The following ZC3H4 variants were observed in gnomAD, a reference collection of about 807,000 sequenced individuals.
ZC3H4 encodes zinc finger CCCH-type containing 4.
A neutral mutation model predicts 108.3 loss-of-function variants in ZC3H4; 13 were observed. The ratio of observed to expected loss-of-function variants is 0.12; its 90% CI spans 0.08 to 0.19. The LOEUF is 0.19. ZC3H4 is among the 10% of genes least tolerant of loss of function. ZC3H4 has a pLI of 1.00. For missense variants in ZC3H4, 1,734 were observed against 1,838.8 expected, an observed-to-expected ratio of 0.94 and a Z score of 1.04; for synonymous variants, 917 against 749.6, an observed-to-expected ratio of 1.22 and a Z score of -3.65.
At position 47,067,187 on chromosome 19, in the gene ZC3H4, C is replaced by A. The variant is rs371787728; in HGVS notation, c.3081G>T (p.Pro1027=). 1 of 1,610,196 alleles carries A rather than the reference C, an allele frequency of 6.2e-7. No homozygotes were observed. The highest frequency in any genetic ancestry group is 1.3e-5 in the African/African-American group (1 of 74,796). The change falls in exon 15 of 15, where the codon CCG becomes CCT. Residue 1027 remains proline (P), a synonymous_variant. Coordinates refer to ENST00000253048, the MANE Select transcript of ZC3H4 (RefSeq NM_015168.2). The surrounding 1 kb of genome is among the most constrained non-coding windows in gnomAD (Gnocchi z 6.4). The part of the protein sequence containing the change: ...TAGPPNARQR[P]GASTDSSTQG... The stretch of plus-strand genomic sequence containing the variant: ...GTGTGCTGGAATCCGTGGAGGCGCC[C>A]GGGCGCTGCCGGGCGTTGGGGGGCC...
At position 47,112,525 on chromosome 19, in the gene ZC3H4, C is replaced by T; in HGVS notation, c.60G>A (p.Ser20=). 7 of 1,071,144 alleles carry T rather than the reference C, an allele frequency of 6.5e-6. No individual in the cohort carries two copies. Among genetic ancestry groups the T allele is most frequent in the Non-Finnish European group, 8.4e-6 (7 of 834,422 alleles). 66.4% of individuals were successfully genotyped at this position (1,071,144 alleles called of 1,614,324 possible). A position where few individuals can be genotyped will look rare whatever the true frequency, so the allele number is the denominator to read the frequency against. The stretch of plus-strand genomic sequence containing the variant: ...GCGAAGGCGTTGATGGCGGCGGCGG[C>T]GATGGCGGCGGCGGCGACTCTGATG... ...PPPSESPPPP[S]PPPPSTPSPP... Residue 20 remains serine (S), a synonymous_variant, in exon 2 of 15, where the codon TCG becomes TCA. Transcript: ENST00000253048.
chr19:47,079,417 T>G (rs2057480939), intron 11 of ZC3H4, among the ~76,000 whole-genome samples: 1 of 151,704 alleles, frequency 6.6e-6, no homozygotes, highest in South Asian at 2.1e-4. Flanking sequence ...CTGGAAAATT[T>G]TAAATGAATG....
At chr19:47,073,586 A>T (rs2057366405) in intron 11 of ZC3H4, among the ~76,000 whole-genome samples, 1 of 152,162 alleles carries the variant, frequency 6.6e-6, no homozygotes. Flanking sequence ...AACAAAAACA[A>T]AACAAAGTGA....
Position 47,069,333 on chromosome 19 carries a change from C to T in ZC3H4, c.2157G>A (p.Gly719=), listed in dbSNP as rs764721372. ...PGLLGDAEDY[G]HYEELPGEPG... is the part of the protein sequence containing the mutation. ...GCTCCCCTGGCAGCTCTTCGTAGTG[C>T]CCGTAGTCCTCTGTGGCAGGGAAGA... is the stretch of plus-strand genomic sequence containing the variant. The change falls in exon 14 of 15, where the codon GGG becomes GGA. Residue 719 remains glycine, a synonymous_variant. Coordinates refer to ENST00000253048, the MANE Select transcript of ZC3H4 (RefSeq NM_015168.2). 1.6e-5 allele frequency: 26 copies of T among 1,612,846 alleles called. No homozygotes were observed. In the South Asian group the frequency reaches 2.8e-4, roughly 17 times the overall value.
At chr19:47,112,957 AGAG>A (rs781326327) in intron 1 of ZC3H4, among the ~76,000 whole-genome samples, 14 of 151,370 alleles carry the variant, frequency 9.2e-5, no homozygotes, top group East Asian at 2.0e-4. Flanking sequence ...TAAGGGGAGA[AGAG>A]GAGAGCGAGC....
chr19:47,110,616 A>T (rs1462227186), intron 2 of ZC3H4, among the ~76,000 whole-genome samples: 4 of 152,204 alleles, frequency 2.6e-5, no homozygotes, highest in African/African-American at 9.6e-5. Flanking sequence ...TCATTGAATT[A>T]CTCAATAAAA....
Position 47,067,368 on chromosome 19 carries a change from G to A in ZC3H4, c.2900C>T (p.Thr967Ile). Residue 967 changes from threonine (T) to isoleucine (I), a missense_variant, in exon 15 of 15, where the codon ACC becomes ATC. Thr to Ile is a moderately conservative substitution (Grantham distance 89, BLOSUM62 -1). Transcript: ENST00000253048. This position sits in a 1 kb window ranked among gnomAD's most constrained non-coding sequence, Gnocchi z 6.4. ...QQFSHIKKDV[T>I]LSKPSFARTV... ...GCGGGCGAAGCTGGGCTTGCTCAGGGTCACGTCCTTCTTGATGTGGCTGAA... is the reference window on the plus strand; with the variant it reads ...GCGGGCGAAGCTGGGCTTGCTCAGGATCACGTCCTTCTTGATGTGGCTGAA... 6.2e-7 allele frequency: 1 copy of A among 1,608,044 alleles called. No individual in the cohort carries two copies. The highest frequency in any genetic ancestry group is 8.5e-7 in the Non-Finnish European group (1 of 1,176,698).
chr19:47,107,854 A>G (rs996306101), intron 2 of ZC3H4, among the ~76,000 whole-genome samples: 3 of 152,202 alleles, frequency 2.0e-5, no homozygotes, highest in Non-Finnish European at 4.4e-5. Flanking sequence ...CTGCATCTGC[A>G]TTAACTCCTA....
rs769442931 is a variant in ZC3H4, at chr19:47,066,527, C to T, written c.3741G>A (p.Val1247=). 23 of 1,570,912 alleles carry T rather than the reference C, an allele frequency of 1.5e-5. No homozygotes were observed. Among genetic ancestry groups the T allele is most frequent in the Non-Finnish European group, 2.0e-5 (23 of 1,158,180 alleles). ...PPEGAPPQPG[V]HNLPVPTLFG... The stretch of plus-strand genomic sequence containing the variant: ...AGAGGGTGGGCACGGGCAGGTTGTG[C>T]ACCCCGGGCTGGGGTGGGGCACCCT... Residue 1247 remains valine (V), a synonymous_variant, in exon 15 of 15, where the codon GTG becomes GTA. Coordinates refer to ENST00000253048, the MANE Select transcript of ZC3H4 (RefSeq NM_015168.2).
At chr19:47,113,393 T>A (rs1198325116) in intron 1 of ZC3H4, 1 of 152,270 alleles carries the variant, frequency 6.6e-6, no homozygotes, top group Non-Finnish European at 1.5e-5. Context: ...ATGAGAAACC[T>A]AGGGGAGCCA....
intron 13 of ZC3H4, 135 bp downstream of exon 13, chr19:47,071,643 A>G (rs34169752): frequency 5.5e-6 from 5 of 910,666 alleles, no homozygotes; most frequent in East Asian, 2.8e-5. Flanking sequence ...AAAACATTCA[A>G]CCATTAAATG....
In ZC3H4 at chr19:47,067,158, C is replaced by A. The variant is rs767461623; in HGVS notation, c.3110G>T (p.Gly1037Val). The A allele has an allele frequency of 1.2e-6, 2 of 1,611,942 alleles. No individual in the cohort carries two copies. The highest frequency in any genetic ancestry group is 1.7e-6 in the Non-Finnish European group (2 of 1,178,860). ...AAGTTCAAAGTCGGGGAGGTTGGCG[C>A]CCTGTGTGCTGGAATCCGTGGAGGC... ...PGASTDSSTQGANLPDFELLS... is the reference protein window; with the variant it reads ...PGASTDSSTQVANLPDFELLS... The change falls in exon 15 of 15, where the codon GGC (glycine) becomes GTC (valine). Residue 1037 changes from glycine to valine, a missense_variant. By Grantham distance (109) the Gly-to-Val change is moderately radical. Coordinates refer to ENST00000253048, the MANE Select transcript of ZC3H4 (RefSeq NM_015168.2). This position sits in a 1 kb window ranked among gnomAD's most constrained non-coding sequence, Gnocchi z 6.4.
intron 2 of ZC3H4, chr19:47,096,842 C>T (rs1600094839): frequency 1.0e-6 from 1 of 985,324 alleles, no homozygotes; most frequent in South Asian, 4.7e-5. Context: ...GTCCACAAGG[C>T]AGGTGCCTGA....
chr19:47,085,037 C>A lies in ZC3H4; in HGVS notation c.1107+19G>T. 1 of 1,613,848 alleles carries A rather than the reference C, an allele frequency of 6.2e-7. No homozygotes were observed. Among genetic ancestry groups the A allele is most frequent in the African/African-American group, 1.3e-5 (1 of 75,052 alleles). On this transcript the variant is annotated intron_variant, in intron 8 of 14. Transcript: ENST00000253048. ...AGGGACCTTGGCCCAAACATCAGAT[C>A]AGAGTGGAGTCAACTCACGCCCATG...
intron 14 of ZC3H4, among the ~76,000 whole-genome samples, chr19:47,068,087 C>T (rs991148515): frequency 2.0e-5 from 3 of 152,146 alleles, no homozygotes; most frequent in Admixed American, 6.6e-5. Context: ...TCCTCAGTGG[C>T]GGCACTGCAC....
chr19:47,108,448 AAAGG>A (rs902933387), intron 2 of ZC3H4, among the ~76,000 whole-genome samples: 1 of 152,146 alleles, frequency 6.6e-6, no homozygotes, highest in African/African-American at 2.4e-5. Context: ...AAATGTAACA[AAAGG>A]AAGTGAAGGA....
At chr19:47,104,936 C>T (rs148145845) in intron 2 of ZC3H4, among the ~76,000 whole-genome samples, 37 of 152,350 alleles carry the variant, frequency 2.4e-4, no homozygotes, top group African/African-American at 8.7e-4. Context: ...TCCACTTCCA[C>T]ACGGGACCTC....
In ZC3H4 at chr19:47,085,385, G is replaced by C; in HGVS notation, c.900C>G (p.Asp300Glu). ...DYGESEEPMGDDDYDEYSKEL... is the reference protein window; with the variant it reads ...DYGESEEPMGEDDYDEYSKEL... ...CCTTGGAGTACTCGTCATAGTCGTC[G>C]TCTCCCATTGGCTCCTCACTCTCTC... Residue 300 changes from aspartate to glutamate, a missense_variant, in exon 7 of 15, where the codon GAC becomes GAG. Around this residue, in one of 9 missense-constraint regions of ZC3H4, gnomAD observed 403 missense variants for 457.0 expected, o/e 0.88. Coordinates refer to ENST00000253048, the MANE Select transcript of ZC3H4 (RefSeq NM_015168.2). 1.2e-6 allele frequency: 2 copies of C among 1,600,270 alleles called. No individual in the cohort carries two copies. The highest frequency in any genetic ancestry group is 1.7e-6 in the Non-Finnish European group (2 of 1,173,538).
At position 47,085,138 on chromosome 19, in the gene ZC3H4, C is replaced by G. The variant is rs1457269769; in HGVS notation, c.1025G>C (p.Gly342Ala). The G allele has an allele frequency of 6.2e-7, 1 of 1,614,178 alleles. No homozygotes were observed. ...SRGRGKGMGR[G>A]RGRGGSRGGM... Reference sequence around the variant, plus strand: ...TCCTCGGCTGCCACCTCGGCCTCGGCCCCGACCCATTCCTTTCCCTCGACC... The same window carrying G: ...TCCTCGGCTGCCACCTCGGCCTCGGGCCCGACCCATTCCTTTCCCTCGACC... Residue 342 changes from glycine to alanine, a missense_variant, in exon 8 of 15, where the codon GGC becomes GCC. By Grantham distance (60) the Gly-to-Ala change is moderately conservative. Transcript: ENST00000253048.
Sources: allele counts gnomAD v4.1 joint callset (sites outside exome capture counted in the v4.1 genomes callset), GRCh38; gene constraint gnomAD v4.1.1; regional missense constraint gnomAD v4.1.1; non-coding constraint Gnocchi (gnomAD v3.1); transcripts MANE v1.5; gene names NCBI Gene and HGNC (gene_info 2026-07-23, HGNC 2026-07-21).